The following CAMKMT variants were observed in gnomAD, a reference collection of about 807,000 sequenced individuals.
CAMKMT encodes the protein calmodulin-lysine N-methyltransferase, also known as CaM KMT.
A neutral mutation model predicts 48.0 loss-of-function variants in CAMKMT; 53 were observed. That is an observed-to-expected ratio of 1.10 (90% CI 0.89 to 1.39). The LOEUF (loss-of-function observed/expected upper bound fraction) is 1.39, where lower values mean the gene tolerates loss of function less well. CAMKMT is among the 40% of genes most tolerant of loss of function. The pLI is 0.00. For missense variants in CAMKMT, 428 were observed against 402.7 expected (o/e 1.06, Z -0.54); for synonymous variants, 165 against 152.3 (o/e 1.08, Z -0.61).
chr2:44,723,771 C>G (rs553116275), intron 7 of CAMKMT: 1 of 152,226 alleles, frequency 6.6e-6, no homozygotes, highest in East Asian at 1.9e-4. Context: ...GACTTACAGT[C>G]AGCTCTCATT....
chr2:44,478,950 C>G (rs1432682542), intron 3 of CAMKMT, among the ~76,000 whole-genome samples: 1 of 152,132 alleles, frequency 6.6e-6, no homozygotes, highest in African/African-American at 2.4e-5. Flanking sequence ...CCGCCCGCCT[C>G]GGCCTCCCAA....
At chr2:44,741,531 C>T (rs1435322691) in intron 7 of CAMKMT, among the ~76,000 whole-genome samples, 1 of 152,192 alleles carries the variant, frequency 6.6e-6, no homozygotes, top group Non-Finnish European at 1.5e-5. Context: ...TGCCTAAACT[C>T]ATACAGCTAC....
chr2:44,599,935 T>A (rs1197431324), intron 3 of CAMKMT, among the ~76,000 whole-genome samples: 2 of 152,098 alleles, frequency 1.3e-5, no homozygotes, highest in African/African-American at 4.8e-5. Context: ...AACGATTTGG[T>A]ACTCTATGGA....
intron 3 of CAMKMT, among the ~76,000 whole-genome samples, chr2:44,651,832 A>G (rs964757678): frequency 6.6e-6 from 1 of 152,254 alleles, no homozygotes; most frequent in Admixed American, 6.5e-5. Context: ...CATGTTAATG[A>G]AACCATTAGA....
rs1351055033 is a variant in CAMKMT at position 44,704,311 on chromosome 2, T to G, written c.405T>G (p.Ala135=). 10 of 1,610,984 alleles carry G rather than the reference T, an allele frequency of 6.2e-6. No homozygotes were observed. Among genetic ancestry groups the G allele is most frequent in the Non-Finnish European group, 8.5e-6 (10 of 1,178,290 alleles). The change falls in exon 4 of 11, where the codon GCT becomes GCG. Residue 135 remains alanine, a synonymous_variant. Coordinates refer to ENST00000378494, the MANE Select transcript of CAMKMT (RefSeq NM_024766.5). The part of the protein sequence containing the change: ...VCIWPSEEVL[A]YYCLKHNNIF... ...TCTGGCCATCTGAAGAGGTTTTGGC[T>G]TACTACTGCCTCAAGCACAATAATA...
At chr2:44,743,726 TTA>T in intron 8 of CAMKMT, 30 bp downstream of exon 8, 2 of 1,569,124 alleles carry the variant, frequency 1.3e-6, no homozygotes, top group Non-Finnish European at 1.7e-6. Context: ...AAAACTCCTG[TTA>T]GAAAAAAATA....
In CAMKMT at chr2:44,556,760, C is replaced by T. The variant is rs62135418; in HGVS notation, c.377-147523C>T. ...CTGGGATTACAGGCGTGAGCCACCG[C>T]GCCCGGCCCTCTTTTTTTTTTTTAA... On this transcript the variant is annotated intron_variant, in intron 3 of 10. Transcript: ENST00000378494. Among the ~76,000 whole-genome samples the T allele has an allele frequency of 8.2e-4, 18 of 22,074 alleles. 1 individual carries two copies. Among genetic ancestry groups the T allele is most frequent in the South Asian group, 1.3e-3 (1 of 782 alleles). 14.5% of individuals were successfully genotyped at this position (22,074 alleles called of 152,430 possible). A position where few individuals can be genotyped will look rare whatever the true frequency, so the allele number is the denominator to read the frequency against.
chr2:44,629,774 T>C (rs1397453276), intron 3 of CAMKMT, among the ~76,000 whole-genome samples: 1 of 152,214 alleles, frequency 6.6e-6, no homozygotes, highest in African/African-American at 2.4e-5. Context: ...GAACATTCTA[T>C]GCTCACGGGT....
intron 3 of CAMKMT, among the ~76,000 whole-genome samples, chr2:44,634,163 A>G (rs1479081864): frequency 6.6e-6 from 1 of 152,090 alleles, no homozygotes; most frequent in Admixed American, 6.6e-5. Context: ...GTGCTCAGGC[A>G]AAGATTCAAG....
chr2:44,401,614 C>A (rs1359427001), intron 3 of CAMKMT, among the ~76,000 whole-genome samples: 4 of 152,096 alleles, frequency 2.6e-5, no homozygotes, highest in African/African-American at 9.7e-5. Flanking sequence ...AGAATTTACC[C>A]TGCTAACAAT....
intron 7 of CAMKMT, among the ~76,000 whole-genome samples, chr2:44,725,475 TA>T (rs1380882614): frequency 6.6e-6 from 1 of 152,168 alleles, no homozygotes; most frequent in Non-Finnish European, 1.5e-5. Flanking sequence ...GCTACCAAGT[TA>T]CAAGACAGAG....
intron 3 of CAMKMT, among the ~76,000 whole-genome samples, chr2:44,471,564 C>T (rs890134187): frequency 3.3e-5 from 5 of 151,944 alleles, no homozygotes; most frequent in African/African-American, 4.8e-5. Flanking sequence ...TGTGCCAATA[C>T]ACTCTAGCCT....
intron 3 of CAMKMT, among the ~76,000 whole-genome samples, chr2:44,427,482 G>T (rs1684347453): frequency 6.6e-6 from 1 of 152,164 alleles, no homozygotes; most frequent in Non-Finnish European, 1.5e-5. Flanking sequence ...ATTGAAAAGT[G>T]GGCAAAGGAC....
chr2:44,753,677 G>C (rs2104388882), intron 8 of CAMKMT, among the ~76,000 whole-genome samples: 1 of 152,316 alleles, frequency 6.6e-6, no homozygotes, highest in Non-Finnish European at 1.5e-5. Context: ...CAGCCACACA[G>C]CACCCTTGGT....
At chr2:44,659,870 T>G (rs1674585311) in intron 3 of CAMKMT, among the ~76,000 whole-genome samples, 1 of 152,158 alleles carries the variant, frequency 6.6e-6, no homozygotes, top group Non-Finnish European at 1.5e-5. Flanking sequence ...TAGCACACAT[T>G]GCTGTCTCTC....
intron 3 of CAMKMT, among the ~76,000 whole-genome samples, chr2:44,414,079 C>T (rs190719041): frequency 6.6e-6 from 1 of 152,246 alleles, no homozygotes; most frequent in African/African-American, 2.4e-5. Context: ...GAATGATACC[C>T]TCTCCCAAAC....
intron 3 of CAMKMT, among the ~76,000 whole-genome samples, chr2:44,399,476 T>C (rs1682157343): frequency 6.6e-6 from 1 of 152,036 alleles, no homozygotes; most frequent in South Asian, 2.1e-4. Flanking sequence ...AATAAATTTG[T>C]TGGGGGAGGG....
At position 44,706,310 on chromosome 2, in the gene CAMKMT, G is replaced by C. The variant is rs533364037; in HGVS notation, c.461G>C (p.Gly154Ala). 3.1e-6 allele frequency: 5 copies of C among 1,613,302 alleles called. No homozygotes were observed. Among genetic ancestry groups the C allele is most frequent in the East Asian group, 2.2e-5 (1 of 44,854 alleles). ...IFRALAVCEL[G>A]GGMTCLAGLM... ...AGGGCCCTTGCTGTGTGTGAGCTAG[G>C]GGGTGGCATGACATGCTTGGCTGGG... Residue 154 changes from glycine (G) to alanine (A), a missense_variant, in exon 5 of 11, where the codon GGG (glycine) becomes GCG (alanine). Physicochemically the swap from Gly to Ala is moderately conservative, Grantham distance 60. Coordinates refer to ENST00000378494, the MANE Select transcript of CAMKMT (RefSeq NM_024766.5).
chr2:44,455,193 A>G (rs747300032), intron 3 of CAMKMT, among the ~76,000 whole-genome samples: 15 of 151,808 alleles, frequency 9.9e-5, no homozygotes, highest in East Asian at 1.9e-4. Context: ...TGAGGAGGAA[A>G]CTGTGAAACG....
Sources: gnomAD v4.1 joint callset for allele counts (sites outside exome capture counted in the v4.1 genomes callset) on GRCh38, gnomAD v4.1.1 for gene constraint, MANE v1.5 for transcripts, NCBI Gene and HGNC (gene_info 2026-07-23, HGNC 2026-07-21) for gene names.